CDH13: variants seen among roughly 807,000 people sequenced by gnomAD.
The protein encoded by CDH13 is cadherin-13.
Under a neutral mutation model 63.8 loss-of-function variants are expected in CDH13, and 24 were observed. The observed-to-expected ratio is 0.38, with a 90% CI of 0.27 to 0.53. The LOEUF is 0.53. Among genes scored for constraint, CDH13 ranks in the 20% least tolerant of loss-of-function variants. The pLI, the probability that CDH13 is intolerant of heterozygous loss-of-function variation, is 0.85. For missense variants in CDH13, 1,049 were observed against 903.1 expected (o/e 1.16, Z -2.07); for synonymous variants, 503 against 355.3 (o/e 1.42, Z -4.67).
chr16:83,570,706 A>G (rs1380332781), intron 7 of CDH13, among the ~76,000 whole-genome samples: 2 of 145,644 alleles, frequency 1.4e-5, no homozygotes, highest in Non-Finnish European at 3.0e-5. Flanking sequence ...TTTATTATTT[A>G]TATATTTATA....
intron 2 of CDH13, among the ~76,000 whole-genome samples, chr16:82,906,724 C>A (rs1308025777): frequency 6.6e-6 from 1 of 152,182 alleles, no homozygotes. Context: ...TTCGGCAGGG[C>A]TGTACTCCCT....
intron 1 of CDH13, among the ~76,000 whole-genome samples, chr16:82,843,707 A>G (rs967814219): frequency 3.3e-5 from 5 of 152,266 alleles, no homozygotes; most frequent in Non-Finnish European, 5.9e-5. Context: ...GACAAATCTG[A>G]CATCTTGTCT....
chr16:83,767,833 C>T (rs1159828532), intron 11 of CDH13, among the ~76,000 whole-genome samples: 1 of 151,936 alleles, frequency 6.6e-6, no homozygotes, highest in African/African-American at 2.4e-5. Context: ...CAGTAGTTGC[C>T]AGGGGCTGGG....
intron 4 of CDH13, among the ~76,000 whole-genome samples, chr16:83,213,632 G>A (rs7205845): frequency 0.033 from 4,998 of 152,250 alleles, 263 homozygotes; most frequent in African/African-American, 0.11. Context: ...TTCGTTGCTC[G>A]TCAGAATGCA....
chr16:83,592,942 G>C (rs113953115), intron 7 of CDH13, among the ~76,000 whole-genome samples: 38 of 152,264 alleles, frequency 2.5e-4, no homozygotes, highest in African/African-American at 8.9e-4. Context: ...TCTGCAGTGG[G>C]AATAAGGCAC....
intron 1 of CDH13, among the ~76,000 whole-genome samples, chr16:82,741,798 CAT>C (rs2033944511): frequency 6.6e-6 from 1 of 151,990 alleles, no homozygotes; most frequent in East Asian, 1.9e-4. Context: ...AAAGACAAGA[CAT>C]AGTATTGAAA....
At chr16:82,776,950 T>C (rs780202329) in intron 1 of CDH13, among the ~76,000 whole-genome samples, 6 of 152,230 alleles carry the variant, frequency 3.9e-5, no homozygotes, top group Admixed American at 2.0e-4. Flanking sequence ...ACTATGCTTT[T>C]CACAGACATC....
intron 7 of CDH13, among the ~76,000 whole-genome samples, chr16:83,530,185 G>A (rs2075053060): frequency 6.6e-6 from 1 of 152,154 alleles, no homozygotes; most frequent in Admixed American, 6.6e-5. Flanking sequence ...TGCTATTCAT[G>A]ATAATTTGTA....
chr16:83,360,853 C>G (rs147335611), intron 6 of CDH13, among the ~76,000 whole-genome samples: 1 of 152,164 alleles, frequency 6.6e-6, no homozygotes, highest in Non-Finnish European at 1.5e-5. Flanking sequence ...TCCAGTTCAC[C>G]ATTCATGAGT....
At chr16:83,354,620 G>T (rs1361359991) in intron 6 of CDH13, among the ~76,000 whole-genome samples, 1 of 152,194 alleles carries the variant, frequency 6.6e-6, no homozygotes, top group African/African-American at 2.4e-5. Flanking sequence ...AAGAGGTGAT[G>T]TTGAAGCTGA....
intron 5 of CDH13, among the ~76,000 whole-genome samples, chr16:83,247,843 C>T (rs1905119633): frequency 6.6e-6 from 1 of 152,186 alleles, no homozygotes; most frequent in African/African-American, 2.4e-5. Flanking sequence ...TCTAGTGAGT[C>T]AGAGGCACAG....
intron 5 of CDH13, among the ~76,000 whole-genome samples, chr16:83,280,188 C>T (rs1375403375): frequency 6.6e-6 from 1 of 152,130 alleles, no homozygotes; most frequent in Non-Finnish European, 1.5e-5. Context: ...AGCATTTTAC[C>T]TACTGCAGAA....
At position 83,431,021 on chromosome 16, in the gene CDH13, T is replaced by C. The variant is rs553721759; in HGVS notation, c.782-55456T>C. On this transcript the variant is annotated intron_variant, in intron 6 of 13. Transcript: ENST00000567109. ...TGTGATGTTCCCCTTCCTGTGTCCA[T>C]GTGTTCTCATTGTTCAATTCCCACC... Among the ~76,000 whole-genome samples, 93 of 136,624 alleles carry C rather than the reference T, an allele frequency of 6.8e-4. 1 individual carries two copies. In the South Asian group the frequency reaches 0.023, roughly 33 times the overall value. The allele number at this position is 136,624 out of a possible 152,430, so 89.6% of individuals were successfully genotyped here.
At chr16:83,236,973 C>G (rs900171373) in intron 5 of CDH13, among the ~76,000 whole-genome samples, 3 of 151,890 alleles carry the variant, frequency 2.0e-5, no homozygotes, top group Non-Finnish European at 2.9e-5. Context: ...TTAAAAATCA[C>G]AGTGCACAAA....
chr16:83,040,731 C>G (rs1223417181), intron 3 of CDH13, among the ~76,000 whole-genome samples: 2 of 152,162 alleles, frequency 1.3e-5, no homozygotes, highest in Admixed American at 6.5e-5. Flanking sequence ...ATTTTGCATC[C>G]TTCAATCCAA....
chr16:83,770,051 C>G (rs774420404), intron 11 of CDH13, among the ~76,000 whole-genome samples: 1 of 152,134 alleles, frequency 6.6e-6, no homozygotes, highest in African/African-American at 2.4e-5. Flanking sequence ...TTCCCGTCAA[C>G]CCTGTGGGGA....
intron 5 of CDH13, among the ~76,000 whole-genome samples, chr16:83,233,792 A>C (rs1234927882): frequency 6.6e-6 from 1 of 152,158 alleles, no homozygotes; most frequent in Non-Finnish European, 1.5e-5. Context: ...TCTAGTTCAC[A>C]ACATTAATCT....
intron 7 of CDH13, among the ~76,000 whole-genome samples, chr16:83,569,017 C>A (rs1904326875): frequency 6.6e-6 from 1 of 152,090 alleles, no homozygotes; most frequent in Non-Finnish European, 1.5e-5. Context: ...CCTAGTGCAG[C>A]AATTCCACAT....
At chr16:83,012,984 T>G (rs1914313416) in intron 2 of CDH13, among the ~76,000 whole-genome samples, 2 of 152,228 alleles carry the variant, frequency 1.3e-5, no homozygotes. Flanking sequence ...GTCTTTGTGG[T>G]TAATCATGGA....
Sources: allele counts gnomAD v4.1 joint callset (sites outside exome capture counted in the v4.1 genomes callset), GRCh38; gene constraint gnomAD v4.1.1; transcripts MANE v1.5; gene names NCBI Gene and HGNC (gene_info 2026-07-23, HGNC 2026-07-21).